Variants in TCF4 observed in about 807,000 individuals in gnomAD.
The protein encoded by TCF4 is SL3-3 enhancer factor 2.
Under a neutral mutation model 82.1 loss-of-function variants are expected in TCF4, and 3 were observed. That is an observed-to-expected ratio of 0.04 (90% CI 0.02 to 0.09). The LOEUF (loss-of-function observed/expected upper bound fraction) is 0.09. TCF4 is among the 10% of genes least tolerant of loss of function. The probability of loss-of-function intolerance (pLI) is 1.00; values close to 1 mark genes in which losing one functional copy is unlikely to be tolerated. For missense variants in TCF4, 518 were observed against 852.7 expected, an observed-to-expected ratio of 0.61 and a Z score of 4.89; for synonymous variants, 276 against 309.6, an observed-to-expected ratio of 0.89 and a Z score of 1.14.
intron 9 of TCF4, among the ~76,000 whole-genome samples, chr18:55,276,450 G>A (rs911475925): frequency 3.3e-5 from 5 of 152,174 alleles, no homozygotes; most frequent in Middle Eastern, 3.4e-3. Context: ...TTTATAAAAC[G>A]ATTTATGAAT....
chr18:55,481,670 C>T (rs1311229244), intron 3 of TCF4, among the ~76,000 whole-genome samples: 12 of 152,306 alleles, frequency 7.9e-5, no homozygotes, highest in Non-Finnish European at 1.3e-4. Flanking sequence ...ATTTTCTACT[C>T]GGCTTCATTT....
intron 5 of TCF4, among the ~76,000 whole-genome samples, chr18:55,420,704 C>T (rs2094705334): frequency 6.6e-6 from 1 of 152,148 alleles, no homozygotes; most frequent in Non-Finnish European, 1.5e-5. Context: ...CAAGGATCTG[C>T]TTCTCGGCGA....
chr18:55,368,325 G>A (rs2087833078), intron 6 of TCF4, among the ~76,000 whole-genome samples: 1 of 152,198 alleles, frequency 6.6e-6, no homozygotes, highest in African/African-American at 2.4e-5. Context: ...AGGTTGCAGT[G>A]AGCTGAGATT....
At chr18:55,429,761 T>A (rs938440036) in intron 5 of TCF4, among the ~76,000 whole-genome samples, 2 of 26,568 alleles carry the variant, frequency 7.5e-5, no homozygotes, top group Non-Finnish European at 1.3e-4. Flanking sequence ...CAAGACTCCA[T>A]CTCAAAAAAA....
upstream of TCF4, chr18:55,589,441 T>G (rs958946843): frequency 1.9e-6 from 2 of 1,056,274 alleles, no homozygotes; most frequent in Non-Finnish European, 1.1e-6. Flanking sequence ...TCCAGGGATA[T>G]CCACAGATTA....
At chr18:55,392,462 C>CAA (rs772409228) in intron 6 of TCF4, among the ~76,000 whole-genome samples, 4,392 of 95,388 alleles carry the variant, frequency 0.046, 206 homozygotes, top group African/African-American at 0.13. Flanking sequence ...AACAACCCCA[C>CAA]AAAAAAAAAA....
intron 3 of TCF4, among the ~76,000 whole-genome samples, chr18:55,505,567 G>GCT (rs2096746642): frequency 6.6e-6 from 1 of 151,888 alleles, no homozygotes; most frequent in East Asian, 1.9e-4. Flanking sequence ...CACTTTGGAA[G>GCT]GCCGAGGCGG....
At chr18:55,602,091 A>AAT (rs751956780) in intron 2 of TCF4, among the ~76,000 whole-genome samples, 1 of 152,218 alleles carries the variant, frequency 6.6e-6, no homozygotes, top group Non-Finnish European at 1.5e-5. Context: ...AAATATAGAA[A>AAT]ATATATAGCA....
intron 9 of TCF4, among the ~76,000 whole-genome samples, chr18:55,277,149 G>A (rs1030195467): frequency 1.3e-5 from 2 of 152,118 alleles, no homozygotes; most frequent in African/African-American, 4.8e-5. Context: ...CCCCTCTACT[G>A]AAAGGAAGCT....
chr18:55,610,006 C>A (rs187867406), intron 2 of TCF4, among the ~76,000 whole-genome samples: 11 of 151,864 alleles, frequency 7.2e-5, no homozygotes, highest in Admixed American at 5.9e-4. Flanking sequence ...TCTTCTCTGC[C>A]AAAAATATAA....
chr18:55,616,594 G>A (rs967161302), intron 2 of TCF4, among the ~76,000 whole-genome samples: 2 of 152,008 alleles, frequency 1.3e-5, no homozygotes, highest in Non-Finnish European at 2.9e-5. Context: ...GTGCACAAGG[G>A]TTCCAATTTC....
intron 2 of TCF4, chr18:55,585,887 TCTCTTTCACTCC>T: frequency 8.3e-7 from 1 of 1,212,034 alleles, no homozygotes. Flanking sequence ...ACTCTCACTC[TCTCTTTCACTCC>T]CTCTCTCTCC....
At chr18:55,555,265 A>G (rs2097294147) in intron 3 of TCF4, among the ~76,000 whole-genome samples, 1 of 152,212 alleles carries the variant, frequency 6.6e-6, no homozygotes, top group South Asian at 2.1e-4. Flanking sequence ...CTACAAATTC[A>G]AACAATGCGA....
chr18:55,244,169 G>A (rs1444066037), intron 15 of TCF4, among the ~76,000 whole-genome samples: 2 of 152,136 alleles, frequency 1.3e-5, no homozygotes, highest in African/African-American at 4.8e-5. Flanking sequence ...GATACCTGAC[G>A]TGCACTGGCC....
At chr18:55,356,532 A>C (rs1420986058) in intron 6 of TCF4, among the ~76,000 whole-genome samples, 3 of 152,204 alleles carry the variant, frequency 2.0e-5, no homozygotes, top group Admixed American at 2.0e-4. Flanking sequence ...ATTCAACTAT[A>C]GGTAAGATCA....
intron 5 of TCF4, among the ~76,000 whole-genome samples, chr18:55,447,032 T>C (rs9947720): frequency 0.86 from 130,622 of 151,120 alleles, 57,117 homozygotes; most frequent in East Asian, 1. Context: ...TTAGCCAAGC[T>C]GGACACAGTG....
At chr18:55,354,625 T>C (rs1046166583) in intron 6 of TCF4, among the ~76,000 whole-genome samples, 2 of 152,226 alleles carry the variant, frequency 1.3e-5, no homozygotes, top group Admixed American at 1.3e-4. Flanking sequence ...TAAAATCATC[T>C]TGCTCTGAAC....
chr18:55,556,724 T>C (rs1019344051), intron 3 of TCF4, among the ~76,000 whole-genome samples: 8 of 152,222 alleles, frequency 5.3e-5, no homozygotes, highest in African/African-American at 1.7e-4. Flanking sequence ...ACCTTTATTT[T>C]CTTAAATAAA....
At chr18:55,546,903 T>C (rs184491474) in intron 3 of TCF4, 8 of 152,352 alleles carry the variant, frequency 5.3e-5, no homozygotes, top group African/African-American at 9.6e-5. Context: ...TCCCAGCACG[T>C]GTTTCCATCA....
Sources: gnomAD v4.1 joint callset for allele counts (sites outside exome capture counted in the v4.1 genomes callset) on GRCh38, gnomAD v4.1.1 for gene constraint, MANE v1.5 for transcripts, NCBI Gene and HGNC (gene_info 2026-07-23, HGNC 2026-07-21) for gene names.